SGMS1: variants seen among roughly 807,000 people sequenced by gnomAD.
SGMS1 encodes sphingomyelin synthase 1, also known as phosphatidylcholine:ceramide cholinephosphotransferase 1.
A neutral mutation model predicts 46.2 loss-of-function variants in SGMS1; 13 were observed. That is an observed-to-expected ratio of 0.28 (90% confidence interval 0.18 to 0.45). The LOEUF (loss-of-function observed/expected upper bound fraction) is 0.45, where lower values mean the gene tolerates loss of function less well. SGMS1 is among the 20% of genes least tolerant of loss of function. The probability of loss-of-function intolerance (pLI) is 1.00; values close to 1 mark genes in which losing one functional copy is unlikely to be tolerated. For missense variants in SGMS1, 324 were observed against 519.9 expected, an observed-to-expected ratio of 0.62 and a Z score of 3.66; for synonymous variants, 203 against 187.8, an observed-to-expected ratio of 1.08 and a Z score of -0.66.
chr10:50,474,970 T>G (rs1226109836), intron 3 of SGMS1, among the ~76,000 whole-genome samples: 1 of 152,234 alleles, frequency 6.6e-6, no homozygotes, highest in Non-Finnish European at 1.5e-5. Flanking sequence ...TCTCAGAGTC[T>G]GAAACTGTGA....
intron 6 of SGMS1, among the ~76,000 whole-genome samples, chr10:50,368,347 T>C (rs2133436814): frequency 6.6e-6 from 1 of 152,284 alleles, no homozygotes; most frequent in Admixed American, 6.5e-5. Flanking sequence ...TTTATACTAA[T>C]TTTTTTATTT....
At chr10:50,517,292 G>C (rs1054804441) in intron 3 of SGMS1, among the ~76,000 whole-genome samples, 3 of 152,106 alleles carry the variant, frequency 2.0e-5, no homozygotes, top group Admixed American at 6.6e-5. Context: ...ACTGTTTAAT[G>C]ATGAGGCCAA....
intron 6 of SGMS1, among the ~76,000 whole-genome samples, chr10:50,364,441 T>C (rs1362188124): frequency 6.6e-6 from 1 of 152,174 alleles, no homozygotes; most frequent in African/African-American, 2.4e-5. Context: ...TGCTTTTCAC[T>C]TTCTGGTTGT....
At chr10:50,528,136 G>T (rs1187601173) in intron 2 of SGMS1, among the ~76,000 whole-genome samples, 1 of 152,158 alleles carries the variant, frequency 6.6e-6, no homozygotes, top group East Asian at 1.9e-4. Flanking sequence ...AAACCAAAAA[G>T]TATGCAACTT....
intron 8 of SGMS1, among the ~76,000 whole-genome samples, chr10:50,319,659 T>C (rs1847408128): frequency 6.6e-6 from 1 of 152,228 alleles, no homozygotes; most frequent in African/African-American, 2.4e-5. Flanking sequence ...TTTATCTGAA[T>C]GTTGCCTTCT....
intron 1 of SGMS1, among the ~76,000 whole-genome samples, chr10:50,620,507 G>A (rs1838839583): frequency 6.6e-6 from 1 of 152,304 alleles, no homozygotes; most frequent in African/African-American, 2.4e-5. Flanking sequence ...AGTGTATATG[G>A]CAATCAAAAA....
At chr10:50,437,058 A>G (rs144127404) in intron 5 of SGMS1, among the ~76,000 whole-genome samples, 2 of 152,386 alleles carry the variant, frequency 1.3e-5, no homozygotes, top group African/African-American at 4.8e-5. Flanking sequence ...TATGGGTTAA[A>G]AGACATAATG....
At chr10:50,532,812 G>T (rs1213401603) in intron 2 of SGMS1, among the ~76,000 whole-genome samples, 2 of 152,228 alleles carry the variant, frequency 1.3e-5, no homozygotes, top group South Asian at 2.1e-4. Context: ...ACATGGATCA[G>T]GTTTGGATTT....
intron 2 of SGMS1, among the ~76,000 whole-genome samples, chr10:50,567,186 T>A (rs912615452): frequency 1.3e-5 from 2 of 152,228 alleles, no homozygotes; most frequent in Admixed American, 1.3e-4. Context: ...ACCTCGTGAT[T>A]CACCTGCCTT....
At chr10:50,488,867 C>T (rs1837545171) in intron 3 of SGMS1, among the ~76,000 whole-genome samples, 1 of 152,140 alleles carries the variant, frequency 6.6e-6, no homozygotes, top group Admixed American at 6.5e-5. Flanking sequence ...ATCAGGAGAC[C>T]TTTCTGCATT....
chr10:50,458,195 T>C (rs891841107), intron 5 of SGMS1, among the ~76,000 whole-genome samples: 1 of 152,332 alleles, frequency 6.6e-6, no homozygotes, highest in African/African-American at 2.4e-5. Flanking sequence ...CTTGTTTGAA[T>C]GCTAAACATA....
chr10:50,566,741 T>C (rs1323067408), intron 2 of SGMS1, among the ~76,000 whole-genome samples: 2 of 152,204 alleles, frequency 1.3e-5, no homozygotes, highest in Non-Finnish European at 2.9e-5. Context: ...CCACAGGGGA[T>C]TGGTTTCAGG....
intron 2 of SGMS1, among the ~76,000 whole-genome samples, chr10:50,552,600 T>C (rs1020251926): frequency 1.3e-5 from 2 of 152,320 alleles, no homozygotes; most frequent in South Asian, 2.1e-4. Context: ...AGTTAGGAAA[T>C]TGTTGACGTT....
intron 6 of SGMS1, among the ~76,000 whole-genome samples, chr10:50,425,243 G>A (rs879740891): frequency 6.6e-6 from 1 of 152,064 alleles, no homozygotes; most frequent in Non-Finnish European, 1.5e-5. Flanking sequence ...ATCCATTACT[G>A]CAAATATACT....
At chr10:50,323,673 T>C (rs1302040536) in intron 8 of SGMS1, among the ~76,000 whole-genome samples, 1 of 152,232 alleles carries the variant, frequency 6.6e-6, no homozygotes, top group South Asian at 2.1e-4. Flanking sequence ...CTGTGTTTAA[T>C]CCAACTCATT....
intron 6 of SGMS1, among the ~76,000 whole-genome samples, chr10:50,432,379 T>C (rs1412511731): frequency 1.3e-5 from 2 of 152,344 alleles, no homozygotes; most frequent in African/African-American, 4.8e-5. Context: ...TGTATCTGGT[T>C]GGTAGAAACT....
At chr10:50,404,175 G>A (rs750077566) in intron 6 of SGMS1, among the ~76,000 whole-genome samples, 1 of 152,032 alleles carries the variant, frequency 6.6e-6, no homozygotes, top group Non-Finnish European at 1.5e-5. Context: ...AACTCACAAT[G>A]GACCTATGAA....
intron 3 of SGMS1, among the ~76,000 whole-genome samples, chr10:50,498,292 CT>C (rs1165314969): frequency 6.6e-6 from 1 of 152,178 alleles, no homozygotes; most frequent in East Asian, 1.9e-4. Context: ...TCCTTATTTT[CT>C]TTTTAAAGCA....
chr10:50,353,573 T>G (rs544782855), intron 6 of SGMS1, among the ~76,000 whole-genome samples: 258 of 152,348 alleles, frequency 1.7e-3, no homozygotes, highest in Non-Finnish European at 6.2e-4. Flanking sequence ...AACATAGTGT[T>G]GGAAGTTCTG....
Sources: allele counts gnomAD v4.1 joint callset (sites outside exome capture counted in the v4.1 genomes callset), GRCh38; gene constraint gnomAD v4.1.1; transcripts MANE v1.5; gene names NCBI Gene and HGNC (gene_info 2026-07-23, HGNC 2026-07-21).